ZNF521: variants seen among roughly 807,000 people sequenced by gnomAD.
ZNF521 encodes LYST-interacting protein 3.
ZNF521 carries 14 observed loss-of-function variants against 105.5 expected under a neutral mutation model. The observed-to-expected ratio is 0.13, with a 90% CI of 0.09 to 0.21. The LOEUF (loss-of-function observed/expected upper bound fraction) is 0.21, where lower values mean the gene tolerates loss of function less well. Ranked by LOEUF, ZNF521 falls within the 10% of genes least tolerant of loss-of-function variation. The pLI is 1.00. For missense variants in ZNF521, 1,233 were observed against 1,629.7 expected (o/e 0.76, Z 4.19); for synonymous variants, 635 against 606.0 (o/e 1.05, Z -0.70).
intron 5 of ZNF521, among the ~76,000 whole-genome samples, chr18:25,146,257 C>G (rs918988853): frequency 6.6e-6 from 1 of 152,048 alleles, no homozygotes; most frequent in African/African-American, 2.4e-5. Flanking sequence ...ATAAGCAATT[C>G]CAGGAAATTT....
At position 25,103,788 on chromosome 18, in the gene ZNF521, AAGGAAGGG is replaced by A. The variant is rs1010308318; in HGVS notation, c.3659-11715_3659-11708del. ...GGAGGGAAGAAAGAAGGGTGAGAGG[AAGGAAGGG>A]AGGGAGGGAGGGAGGGAAGGAGGAA... On this transcript the variant is annotated intron_variant, in intron 5 of 7. Transcript: ENST00000361524. 1.2e-3 allele frequency among the ~76,000 whole-genome samples: 25 copies of A among 21,334 alleles called. No homozygotes were observed. The South Asian group carries it at 0.012, about 10-fold the overall frequency. 14.0% of individuals were successfully genotyped at this position (21,334 alleles called of 152,430 possible).
chr18:25,227,822 A>C lies in ZNF521; in HGVS notation c.221-125T>G. On this transcript the variant is annotated intron_variant, in intron 3 of 7. Transcript: ENST00000361524. The surrounding 1 kb of genome is among the most constrained non-coding windows in gnomAD (Gnocchi z 5.7). ...AATCTTTCAAGAAAAAACAAAATGA[A>C]AAGAGAGAATATTTGAGTGAGACAT... 3.9e-6 allele frequency: 3 copies of C among 772,438 alleles called. No individual in the cohort carries two copies. Among genetic ancestry groups the C allele is most frequent in the Middle Eastern group, 4.8e-4 (2 of 4,150 alleles). The allele number at this position is 772,438 out of a possible 1,614,324, so 47.8% of individuals were successfully genotyped here.
chr18:25,351,012 G>C (rs571537787), intron 1 of ZNF521, 65 bp from the exon 2 acceptor site: 1 of 1,377,870 alleles, frequency 7.3e-7, no homozygotes, highest in Admixed American at 3.0e-5. Context: ...CCTCGTGGCC[G>C]CGCGCCCCTC....
At chr18:25,065,607 A>C (rs2033036647) in intron 7 of ZNF521, among the ~76,000 whole-genome samples, 2 of 152,184 alleles carry the variant, frequency 1.3e-5, no homozygotes, top group African/African-American at 2.4e-5. Context: ...CTCTGACAGA[A>C]AGATGGGTGT....
At chr18:25,119,705 C>T (rs2034397096) in intron 5 of ZNF521, among the ~76,000 whole-genome samples, 1 of 151,896 alleles carries the variant, frequency 6.6e-6, no homozygotes, top group African/African-American at 2.4e-5. Context: ...TTAAGAGATA[C>T]AGATGCTTGT....
At chr18:25,185,731 TA>T (rs538373241) in intron 5 of ZNF521, among the ~76,000 whole-genome samples, 1 of 151,828 alleles carries the variant, frequency 6.6e-6, no homozygotes, top group Non-Finnish European at 1.5e-5. Context: ...AATTGACCTG[TA>T]AAAAAAATAA....
At chr18:25,294,853 CAAAAAAAAAAAAAAA>C (rs34529787) in intron 3 of ZNF521, among the ~76,000 whole-genome samples, 5 of 59,528 alleles carry the variant, frequency 8.4e-5, no homozygotes, top group Admixed American at 2.9e-4. Flanking sequence ...GATTCTGTCT[CAAAAAAAAAAAAAAA>C]AAAAAAAAAA....
At position 25,094,611 on chromosome 18, in the gene ZNF521, C is replaced by T. The variant is rs374741705; in HGVS notation, c.3659-2530G>A. ...AAAAAAAAGTTGGAAGTTCTACCTG[C>T]CTTTTATTTTTAAGTTACACTGTGA... On this transcript the variant is annotated intron_variant, in intron 5 of 7. Coordinates refer to ENST00000361524, the MANE Select transcript of ZNF521 (RefSeq NM_015461.3). Among the ~76,000 whole-genome samples, 142 of 152,152 alleles carry T rather than the reference C, an allele frequency of 9.3e-4. No homozygotes were observed. The South Asian group carries it at 0.011, about 11-fold the overall frequency.
In ZNF521 at chr18:25,225,532, C is replaced by T. The variant is rs1906061700; in HGVS notation, c.2386G>A (p.Val796Met). The T allele has an allele frequency of 6.2e-7, 1 of 1,614,212 alleles. No individual in the cohort carries two copies. The highest frequency in any genetic ancestry group is 2.2e-5 in the East Asian group (1 of 44,884). Residue 796 changes from valine to methionine, a missense_variant, in exon 4 of 8, where the codon GTG becomes ATG. Physicochemically the swap from Val to Met is conservative, Grantham distance 21 (BLOSUM62 1). Around this residue, in one of 6 missense-constraint regions of ZNF521, gnomAD observed 614 missense variants for 751.5 expected, o/e 0.82. Coordinates refer to ENST00000361524, the MANE Select transcript of ZNF521 (RefSeq NM_015461.3). The surrounding 1 kb of genome is among the most constrained non-coding windows in gnomAD (Gnocchi z 5.6). ...IFCGESFGTE[V>M]ELQCHITTHS... is the part of the protein sequence containing the mutation. ...GTGGTGATGTGGCATTGCAGCTCCA[C>T]CTCGGTGCCAAAGGACTCACCGCAG...
chr18:25,170,835 A>G (rs986569979), intron 5 of ZNF521, among the ~76,000 whole-genome samples: 2 of 152,088 alleles, frequency 1.3e-5, no homozygotes, highest in Admixed American at 6.6e-5. Flanking sequence ...ACTAACATCT[A>G]CTAGATGTTG....
intron 5 of ZNF521, among the ~76,000 whole-genome samples, chr18:25,159,348 A>G (rs1376878890): frequency 1.3e-5 from 2 of 152,224 alleles, no homozygotes; most frequent in Non-Finnish European, 2.9e-5. Flanking sequence ...TAACCCCAGC[A>G]TCCAGGAATA....
chr18:25,138,850 C>T (rs2034787321), intron 5 of ZNF521, among the ~76,000 whole-genome samples: 1 of 152,148 alleles, frequency 6.6e-6, no homozygotes, highest in Non-Finnish European at 1.5e-5. Flanking sequence ...CCCATCCTAT[C>T]TTGTGCTCTA....
chr18:25,197,024 T>C (rs181347739), intron 4 of ZNF521, among the ~76,000 whole-genome samples: 2,070 of 151,766 alleles, frequency 0.014, 15 homozygotes, highest in Non-Finnish European at 0.017. Context: ...GGCTTTTTTT[T>C]CCCCAGTCTA....
chr18:25,330,667 T>A (rs1286458853), intron 2 of ZNF521, among the ~76,000 whole-genome samples: 1 of 152,242 alleles, frequency 6.6e-6, no homozygotes, highest in Non-Finnish European at 1.5e-5. Flanking sequence ...CTTCTTTAAA[T>A]ATATCATTAA....
At chr18:25,236,191 A>C (rs1906876434) in intron 3 of ZNF521, among the ~76,000 whole-genome samples, 1 of 152,170 alleles carries the variant, frequency 6.6e-6, no homozygotes, top group African/African-American at 2.4e-5. Context: ...TCTGCTCCTC[A>C]GTTTTATGCA....
intron 5 of ZNF521, among the ~76,000 whole-genome samples, chr18:25,154,988 CACCA>C (rs1425229005): frequency 6.6e-6 from 1 of 152,080 alleles, no homozygotes; most frequent in East Asian, 1.9e-4. Context: ...ATAATGGTTG[CACCA>C]ACCTACATTC....
At chr18:25,062,871 C>CAGAACAAT in intron 7 of ZNF521, 130 bp from the exon 8 acceptor site, 1 of 912,480 alleles carries the variant, frequency 1.1e-6, no homozygotes. Flanking sequence ...ATGACTTGAA[C>CAGAACAAT]AGAACAATGA....
intron 3 of ZNF521, among the ~76,000 whole-genome samples, chr18:25,307,026 C>T (rs545715107): frequency 8.5e-5 from 13 of 152,152 alleles, no homozygotes; most frequent in African/African-American, 2.2e-4. Flanking sequence ...TTCCTAGTAT[C>T]GAGTGATGGC....
chr18:25,236,520 A>G (rs935264915), intron 3 of ZNF521, among the ~76,000 whole-genome samples: 2 of 149,686 alleles, frequency 1.3e-5, no homozygotes, highest in Non-Finnish European at 3.0e-5. Flanking sequence ...TGGGTGACAC[A>G]GTGAGACTCC....
Sources: gnomAD v4.1 joint callset for allele counts (sites outside exome capture counted in the v4.1 genomes callset) on GRCh38, gnomAD v4.1.1 for gene constraint, gnomAD v4.1.1 regional missense constraint, Gnocchi (gnomAD v3.1) non-coding constraint, MANE v1.5 for transcripts, NCBI Gene and HGNC (gene_info 2026-07-23, HGNC 2026-07-21) for gene names.